The following FBXO36 variants were observed in gnomAD, a reference collection of about 807,000 sequenced individuals.
The protein encoded by FBXO36 is F-box only protein 36.
Under a neutral mutation model 17.0 loss-of-function variants are expected in FBXO36, and 18 were observed. That is an observed-to-expected ratio of 1.06 (90% confidence interval 0.73 to 1.57). FBXO36 has a LOEUF of 1.57. FBXO36 is among the 40% of genes most tolerant of loss of function. FBXO36 has a pLI of 0.00. For missense variants in FBXO36, 229 were observed against 221.9 expected, an observed-to-expected ratio of 1.03 and a Z score of -0.20; for synonymous variants, 83 against 85.3, an observed-to-expected ratio of 0.97 and a Z score of 0.15.
chr2:229,993,870 C>T (rs890198741), intron 2 of FBXO36, among the ~76,000 whole-genome samples: 1 of 152,114 alleles, frequency 6.6e-6, no homozygotes, highest in Non-Finnish European at 1.5e-5. Flanking sequence ...ATTCTCCCGC[C>T]TCAGCCTCCT....
chr2:229,999,784 C>G (rs2077348530), intron 3 of FBXO36, among the ~76,000 whole-genome samples: 1 of 151,764 alleles, frequency 6.6e-6, no homozygotes, highest in Admixed American at 6.6e-5. Flanking sequence ...TTTTTTTGTA[C>G]AGATTATTTA....
At chr2:229,943,637 C>G (rs946917718) in intron 1 of FBXO36, among the ~76,000 whole-genome samples, 1 of 152,134 alleles carries the variant, frequency 6.6e-6, no homozygotes, top group Non-Finnish European at 1.5e-5. Context: ...GTCAGGAGCC[C>G]TGGCCCGTGG....
At chr2:229,950,061 C>T (rs2077049292) in intron 1 of FBXO36, among the ~76,000 whole-genome samples, 1 of 152,344 alleles carries the variant, frequency 6.6e-6, no homozygotes, top group East Asian at 1.9e-4. Context: ...CCAGCAGCCA[C>T]CCTGAGCTCT....
chr2:229,969,617 G>C (rs1052151482), intron 1 of FBXO36, among the ~76,000 whole-genome samples: 2 of 152,116 alleles, frequency 1.3e-5, no homozygotes, highest in African/African-American at 4.8e-5. Flanking sequence ...GAACCCAGGA[G>C]GCGGAGGTTG....
chr2:230,008,399 A>G (rs1010696401), intron 3 of FBXO36, among the ~76,000 whole-genome samples: 1 of 152,200 alleles, frequency 6.6e-6, no homozygotes, highest in African/African-American at 2.4e-5. Flanking sequence ...TTTGGATCTG[A>G]GTAGCCAAAA....
intron 3 of FBXO36, among the ~76,000 whole-genome samples, chr2:230,008,656 T>C (rs1011481384): frequency 1.3e-5 from 2 of 152,236 alleles, no homozygotes; most frequent in Non-Finnish European, 2.9e-5. Flanking sequence ...ACAAGACACA[T>C]TGATATCCTG....
intron 2 of FBXO36, among the ~76,000 whole-genome samples, chr2:229,982,372 C>T (rs576399745): frequency 1.3e-5 from 2 of 152,188 alleles, no homozygotes; most frequent in East Asian, 1.9e-4. Context: ...TTGTCTTTCT[C>T]ACGAGGCATC....
At chr2:229,983,247 T>C (rs530557766) in intron 2 of FBXO36, among the ~76,000 whole-genome samples, 1 of 152,030 alleles carries the variant, frequency 6.6e-6, no homozygotes, top group African/African-American at 2.4e-5. Context: ...TGGTGGCTTA[T>C]GCTTGTAATC....
At chr2:229,940,049 C>G (rs2076990225) in intron 1 of FBXO36, among the ~76,000 whole-genome samples, 1 of 151,798 alleles carries the variant, frequency 6.6e-6, no homozygotes, top group Non-Finnish European at 1.5e-5. Flanking sequence ...CACTGCATTG[C>G]AGCCTGCTCC....
At chr2:229,989,127 G>A (rs911148576) in intron 2 of FBXO36, among the ~76,000 whole-genome samples, 1 of 152,018 alleles carries the variant, frequency 6.6e-6, no homozygotes, top group African/African-American at 2.4e-5. Context: ...ATGGTTTCTG[G>A]TATATAAAGA....
chr2:229,972,084 C>T (rs1411197883), intron 1 of FBXO36, among the ~76,000 whole-genome samples: 1 of 151,030 alleles, frequency 6.6e-6, no homozygotes, highest in Non-Finnish European at 1.5e-5. Context: ...ACCTCCGCCT[C>T]CTGGGTTCAA....
intron 2 of FBXO36, among the ~76,000 whole-genome samples, chr2:229,991,624 C>A (rs1378742603): frequency 6.6e-6 from 1 of 152,180 alleles, no homozygotes. Context: ...TGCGTGTGAC[C>A]CTTTCAGTTC....
intron 1 of FBXO36, among the ~76,000 whole-genome samples, chr2:229,961,251 A>G (rs935994888): frequency 1.3e-5 from 2 of 152,208 alleles, no homozygotes; most frequent in African/African-American, 4.8e-5. Context: ...TCTTCCACCA[A>G]TATATTTGTT....
intron 3 of FBXO36, among the ~76,000 whole-genome samples, chr2:229,998,869 C>T (rs2077341920): frequency 6.8e-6 from 1 of 147,036 alleles, no homozygotes; most frequent in African/African-American, 2.5e-5. Context: ...GTGGCGCGAT[C>T]TCGGCTTACT....
At chr2:229,933,921 G>A (rs1256025718) in intron 1 of FBXO36, among the ~76,000 whole-genome samples, 1 of 151,762 alleles carries the variant, frequency 6.6e-6, no homozygotes, top group African/African-American at 2.4e-5. Flanking sequence ...CCTGAACTCA[G>A]GTGATCTGCC....
intron 1 of FBXO36, among the ~76,000 whole-genome samples, chr2:229,933,248 C>T (rs1195485834): frequency 2.0e-5 from 3 of 152,034 alleles, no homozygotes; most frequent in Admixed American, 6.6e-5. Flanking sequence ...ATTAGCCAGG[C>T]GTGGCGGTAG....
intron 1 of FBXO36, among the ~76,000 whole-genome samples, chr2:229,953,354 A>G (rs2077067590): frequency 6.6e-6 from 1 of 151,884 alleles, no homozygotes; most frequent in Non-Finnish European, 1.5e-5. Flanking sequence ...AAAAAAGAAA[A>G]GAAAAATAAA....
chr2:229,993,200 A>G (rs915594369), intron 2 of FBXO36, among the ~76,000 whole-genome samples: 2 of 152,158 alleles, frequency 1.3e-5, no homozygotes, highest in African/African-American at 4.8e-5. Context: ...TTGTGGGGGA[A>G]AATTTGTATC....
chr2:229,962,562 G>A (rs1430143427), intron 1 of FBXO36, among the ~76,000 whole-genome samples: 1 of 124,128 alleles, frequency 8.1e-6, no homozygotes. Flanking sequence ...TAGAGATAGA[G>A]TTGCACTGTG....
Sources: allele counts gnomAD v4.1 joint callset (sites outside exome capture counted in the v4.1 genomes callset), GRCh38; gene constraint gnomAD v4.1.1; transcripts MANE v1.5; gene names NCBI Gene and HGNC (gene_info 2026-07-23, HGNC 2026-07-21).